The following OLA1 variants were observed in gnomAD, a reference collection of about 807,000 sequenced individuals.
The protein encoded by OLA1 is obg-like ATPase 1.
In OLA1, 14 loss-of-function variants were observed where a neutral mutation model predicts 48.4. The observed-to-expected ratio is 0.29, with a 90% confidence interval of 0.19 to 0.45. OLA1 has a LOEUF of 0.45. Ranked by LOEUF, OLA1 falls within the 20% of genes least tolerant of loss-of-function variation. The pLI, the probability that OLA1 is intolerant of heterozygous loss-of-function variation, is 1.00. For synonymous variants in OLA1, 127 were observed against 150.4 expected (o/e 0.84, Z 1.14); for missense variants, 325 against 467.1 (o/e 0.70, Z 2.80).
intron 4 of OLA1, among the ~76,000 whole-genome samples, chr2:174,150,675 T>A (rs1686723518): frequency 1.3e-5 from 2 of 152,310 alleles, no homozygotes; most frequent in Middle Eastern, 3.4e-3. Context: ...ATATGCCTTG[T>A]TAAATATAAG....
intron 4 of OLA1, among the ~76,000 whole-genome samples, chr2:174,201,382 G>A (rs1240171500): frequency 6.6e-6 from 1 of 152,154 alleles, no homozygotes; most frequent in Non-Finnish European, 1.5e-5. Context: ...TTAATGCCCA[G>A]GCTGGAGTGC....
intron 4 of OLA1, among the ~76,000 whole-genome samples, chr2:174,176,562 G>A (rs552256100): frequency 9.9e-5 from 15 of 152,196 alleles, no homozygotes; most frequent in Admixed American, 2.6e-4. Context: ...ATGATTTGGG[G>A]ATTTTCCTAG....
At chr2:174,191,546 C>T (rs1687778021) in intron 4 of OLA1, among the ~76,000 whole-genome samples, 1 of 151,918 alleles carries the variant, frequency 6.6e-6, no homozygotes, top group African/African-American at 2.4e-5. Context: ...CCTTGAACTA[C>T]TGGGCTGAAG....
intron 7 of OLA1, among the ~76,000 whole-genome samples, chr2:174,096,422 G>T (rs1685256012): frequency 6.6e-6 from 1 of 152,122 alleles, no homozygotes; most frequent in African/African-American, 2.4e-5. Flanking sequence ...TTGTGTATGT[G>T]AATTATATCT....
chr2:174,190,944 C>CACA (rs1553487572), intron 4 of OLA1, among the ~76,000 whole-genome samples: 1 of 32,910 alleles, frequency 3.0e-5, no homozygotes, highest in African/African-American at 1.3e-4. Context: ...GACTTCGTCT[C>CACA]AAAAAAAAAA....
chr2:174,209,536 G>T (rs1324783766), intron 4 of OLA1, among the ~76,000 whole-genome samples: 3 of 152,028 alleles, frequency 2.0e-5, no homozygotes, highest in Non-Finnish European at 2.9e-5. Flanking sequence ...GGGTCAGCAA[G>T]AAACATCAAC....
At chr2:174,120,368 C>A (rs1172066820) in intron 7 of OLA1, among the ~76,000 whole-genome samples, 1 of 152,062 alleles carries the variant, frequency 6.6e-6, no homozygotes, top group Non-Finnish European at 1.5e-5. Flanking sequence ...AAAATGAAAA[C>A]CTCAAGTGTT....
intron 1 of OLA1, 164 bp from the exon 2 acceptor site, chr2:174,246,979 CA>C (rs1351082411): frequency 6.9e-6 from 3 of 434,278 alleles, no homozygotes; most frequent in Non-Finnish European, 8.3e-6. Context: ...TTTTTTTCAG[CA>C]AAAATGTTTA....
At chr2:174,150,457 C>T (rs1165262106) in intron 4 of OLA1, among the ~76,000 whole-genome samples, 1 of 152,190 alleles carries the variant, frequency 6.6e-6, no homozygotes, top group Non-Finnish European at 1.5e-5. Flanking sequence ...TATTCAGTTA[C>T]AGCAAGAGAA....
At chr2:174,125,445 C>T (rs1008379377) in intron 5 of OLA1, among the ~76,000 whole-genome samples, 9 of 151,698 alleles carry the variant, frequency 5.9e-5, no homozygotes, top group East Asian at 1.9e-4. Context: ...CAAGATTATA[C>T]AAAAGAAAGA....
At chr2:174,225,912 CGGCCGGGCGCGGTGGCTCACGCCTGT>C (rs1688608359) in intron 3 of OLA1, among the ~76,000 whole-genome samples, 1 of 116,170 alleles carries the variant, frequency 8.6e-6, no homozygotes, top group Non-Finnish European at 1.8e-5. Context: ...ATGAGCTTCT[CGGCCGGGCGCGGTGGCTCACGCCTGT>C]AATCCCAGCA....
chr2:174,159,487 CAT>C (rs1294875173), intron 4 of OLA1, among the ~76,000 whole-genome samples: 5 of 152,156 alleles, frequency 3.3e-5, no homozygotes, highest in East Asian at 1.9e-4. Flanking sequence ...ACACCATACA[CAT>C]GTGTGTGTTA....
intron 4 of OLA1, among the ~76,000 whole-genome samples, chr2:174,222,660 C>T: frequency 6.6e-6 from 1 of 152,224 alleles, no homozygotes; most frequent in Admixed American, 6.5e-5. Context: ...ATCAGAATCC[C>T]CTTCTCTAAC....
intron 2 of OLA1, among the ~76,000 whole-genome samples, chr2:174,238,990 A>G (rs1296640516): frequency 1.3e-5 from 2 of 152,188 alleles, no homozygotes; most frequent in African/African-American, 4.8e-5. Flanking sequence ...AAAAGAATAA[A>G]TTAAGAATCT....
intron 5 of OLA1, among the ~76,000 whole-genome samples, chr2:174,125,121 C>T (rs1179152293): frequency 1.3e-5 from 2 of 152,260 alleles, no homozygotes; most frequent in African/African-American, 2.4e-5. Context: ...TTAAAAAAGC[C>T]CTGTGCAGCC....
intron 4 of OLA1, among the ~76,000 whole-genome samples, chr2:174,199,610 C>T (rs1271203690): frequency 6.6e-6 from 1 of 152,056 alleles, no homozygotes. Flanking sequence ...TACTGTATCA[C>T]ATAAGGTCTC....
At chr2:174,131,654 G>A (rs1011970475) in intron 5 of OLA1, among the ~76,000 whole-genome samples, 5 of 152,098 alleles carry the variant, frequency 3.3e-5, no homozygotes, top group Non-Finnish European at 7.4e-5. Context: ...TATGGCAAGT[G>A]TATGGTATCT....
At chr2:174,145,647 ATT>A (rs1686576701) in intron 4 of OLA1, among the ~76,000 whole-genome samples, 1 of 152,122 alleles carries the variant, frequency 6.6e-6, no homozygotes, top group African/African-American at 2.4e-5. Context: ...AAAAACTGCA[ATT>A]TTCATTGTAT....
chr2:174,163,689 T>C lies in OLA1; in HGVS notation c.374-21689A>G, dbSNP rs1274670731. ...TGGGGGAGAAGAACGAGACCTTGTC[T>C]CAAAAATAAAATAAATAAATAAATA... On this transcript the variant is annotated intron_variant, in intron 4 of 10. Coordinates refer to ENST00000284719, the MANE Select transcript of OLA1 (RefSeq NM_013341.5). Among the ~76,000 whole-genome samples the C allele has an allele frequency of 3.4e-5, 4 of 118,138 alleles. No individual in the cohort carries two copies. The Admixed American group carries it at 4.0e-4, about 12-fold the overall frequency. 77.5% of individuals were successfully genotyped at this position (118,138 alleles called of 152,430 possible).
Sources: gnomAD v4.1 joint callset for allele counts (sites outside exome capture counted in the v4.1 genomes callset) on GRCh38, gnomAD v4.1.1 for gene constraint, MANE v1.5 for transcripts, NCBI Gene and HGNC (gene_info 2026-07-23, HGNC 2026-07-21) for gene names.